The following TMEM117 variants were observed in gnomAD, a reference collection of about 807,000 sequenced individuals.
TMEM117 encodes the protein transmembrane protein 117.
Under a neutral mutation model 52.4 loss-of-function variants are expected in TMEM117, and 27 were observed. That is an observed-to-expected ratio of 0.51 (90% CI 0.38 to 0.71). The LOEUF is 0.71. TMEM117 is among the 30% of genes least tolerant of loss of function. The probability of loss-of-function intolerance (pLI) is 0.00; values close to 1 mark genes in which losing one functional copy is unlikely to be tolerated. For missense variants in TMEM117, 556 were observed against 630.5 expected (o/e 0.88, Z 1.26); for synonymous variants, 215 against 206.3 (o/e 1.04, Z -0.36).
chr12:43,963,147 A>G (rs917016779), intron 3 of TMEM117, among the ~76,000 whole-genome samples: 3 of 151,244 alleles, frequency 2.0e-5, no homozygotes, highest in Non-Finnish European at 2.9e-5. Context: ...TAATACAGCT[A>G]CATATGCATA....
chr12:44,303,609 C>T (rs779278903), intron 6 of TMEM117, among the ~76,000 whole-genome samples: 1 of 152,110 alleles, frequency 6.6e-6, no homozygotes, highest in African/African-American at 2.4e-5. Context: ...ACACATGCTA[C>T]GTACAGGACA....
At chr12:43,933,354 C>T (rs1206448454) in intron 2 of TMEM117, among the ~76,000 whole-genome samples, 3 of 151,814 alleles carry the variant, frequency 2.0e-5, no homozygotes, top group Non-Finnish European at 4.4e-5. Context: ...GCGCCAGCCA[C>T]CTCGCCCGGC....
intron 6 of TMEM117, among the ~76,000 whole-genome samples, chr12:44,309,202 T>C (rs1187978693): frequency 6.6e-6 from 1 of 152,176 alleles, no homozygotes; most frequent in African/African-American, 2.4e-5. Context: ...AGGATCACTT[T>C]TTCATATCTT....
intron 3 of TMEM117, among the ~76,000 whole-genome samples, chr12:44,027,050 T>C (rs1215439296): frequency 6.6e-6 from 1 of 151,224 alleles, no homozygotes; most frequent in Non-Finnish European, 1.5e-5. Context: ...CTCATTTCTT[T>C]GGTCTCTTTA....
At chr12:44,078,484 A>G (rs1282456644) in intron 3 of TMEM117, among the ~76,000 whole-genome samples, 1 of 152,216 alleles carries the variant, frequency 6.6e-6, no homozygotes, top group Non-Finnish European at 1.5e-5. Context: ...TGAGTCATTT[A>G]CAGCCACGAG....
downstream of TMEM117, among the ~76,000 whole-genome samples, chr12:44,391,119 T>A (rs764891296): frequency 6.6e-6 from 1 of 152,180 alleles, no homozygotes; most frequent in Non-Finnish European, 1.5e-5. Flanking sequence ...ATTATATTTC[T>A]ACTGTTCAGT....
At chr12:43,802,146 T>G in the TMEM117 span, 1 of 508,096 alleles carries the variant, frequency 2.0e-6, no homozygotes, top group Non-Finnish European at 3.3e-6. Context: ...TGATTCTCCG[T>G]TATCAATCCA....
At chr12:44,206,930 A>AT (rs1328016625) in intron 4 of TMEM117, among the ~76,000 whole-genome samples, 1 of 152,190 alleles carries the variant, frequency 6.6e-6, no homozygotes, top group African/African-American at 2.4e-5. Context: ...CAATCTACCC[A>AT]TGCAACAAAC....
In TMEM117 at chr12:43,944,283, C is replaced by A. The variant is rs1176700435; in HGVS notation, c.351C>A (p.Leu117=). 1 of 1,613,224 alleles carries A rather than the reference C, an allele frequency of 6.2e-7. No homozygotes were observed. The highest frequency in any genetic ancestry group is 1.7e-5 in the Admixed American group (1 of 59,996). ...TGACAATGTTCTTCAGCACAATTCT[C>A]TTTCTCTTCATATTTTCTCACATAT... ...SWMTMFFSTI[L]FLFIFSHIYN... The change falls in exon 3 of 8, where the codon CTC becomes CTA. Residue 117 remains leucine, a synonymous_variant. Transcript: ENST00000266534.
chr12:44,014,795 G>T (rs1193505788), intron 3 of TMEM117, among the ~76,000 whole-genome samples: 3 of 151,426 alleles, frequency 2.0e-5, no homozygotes, highest in Non-Finnish European at 4.4e-5. Context: ...CATTTTCTTT[G>T]TTCTCCTTAC....
intron 3 of TMEM117, among the ~76,000 whole-genome samples, chr12:43,950,114 C>T (rs1281744921): frequency 6.6e-6 from 1 of 152,168 alleles, no homozygotes; most frequent in Non-Finnish European, 1.5e-5. Flanking sequence ...GGAACCAATA[C>T]TCTGATTTGC....
intron 5 of TMEM117, among the ~76,000 whole-genome samples, chr12:44,269,814 C>G (rs1950425164): frequency 1.3e-5 from 2 of 152,040 alleles, no homozygotes; most frequent in Non-Finnish European, 2.9e-5. Context: ...TCACTTAATA[C>G]TACCAAACAA....
At chr12:44,346,384 T>C (rs1014378917) in intron 6 of TMEM117, among the ~76,000 whole-genome samples, 18 of 152,132 alleles carry the variant, frequency 1.2e-4, no homozygotes, top group African/African-American at 4.3e-4. Context: ...TGGTTTTTCA[T>C]CCTGCTTCAA....
chr12:44,146,320 C>T (rs1948641633), intron 4 of TMEM117, among the ~76,000 whole-genome samples: 1 of 152,194 alleles, frequency 6.6e-6, no homozygotes, highest in African/African-American at 2.4e-5. Context: ...CTGATAACTT[C>T]ACTTTTTTCT....
chr12:43,913,939 G>A (rs7294490), intron 2 of TMEM117, among the ~76,000 whole-genome samples: 144,793 of 152,256 alleles, frequency 0.95, 68,943 homozygotes, highest in East Asian at 1. Context: ...GGGCTTTTCC[G>A]TTTATATTGA....
At chr12:44,212,007 A>T (rs921283746) in intron 5 of TMEM117, among the ~76,000 whole-genome samples, 9 of 152,254 alleles carry the variant, frequency 5.9e-5, no homozygotes, top group African/African-American at 2.2e-4. Flanking sequence ...AAGCACAATG[A>T]TTCTGTGTGA....
chr12:44,178,587 C>G (rs535379400), intron 4 of TMEM117, among the ~76,000 whole-genome samples: 1 of 152,128 alleles, frequency 6.6e-6, no homozygotes, highest in African/African-American at 2.4e-5. Context: ...TAAGGTCATT[C>G]TATCAATTTC....
chr12:44,040,939 CAT>C (rs1946787686), intron 3 of TMEM117, among the ~76,000 whole-genome samples: 1 of 151,918 alleles, frequency 6.6e-6, no homozygotes, highest in African/African-American at 2.4e-5. Flanking sequence ...TGCTTAATAA[CAT>C]AGTGTCAAAA....
At chr12:44,338,378 G>A (rs555983837) in intron 6 of TMEM117, among the ~76,000 whole-genome samples, 1 of 151,918 alleles carries the variant, frequency 6.6e-6, no homozygotes, top group Admixed American at 6.6e-5. Context: ...ATATAAATTT[G>A]TATTCTGGTC....
Sources: gnomAD v4.1 joint callset for allele counts (sites outside exome capture counted in the v4.1 genomes callset) on GRCh38, gnomAD v4.1.1 for gene constraint, MANE v1.5 for transcripts, NCBI Gene and HGNC (gene_info 2026-07-23, HGNC 2026-07-21) for gene names.